The following PNPLA3 variants were observed in gnomAD, a reference collection of about 807,000 sequenced individuals.
PNPLA3 encodes the protein 1-acylglycerol-3-phosphate O-acyltransferase PNPLA3.
A neutral mutation model predicts 43.1 loss-of-function variants in PNPLA3; 42 were observed. That is an observed-to-expected ratio of 0.97 (90% CI 0.76 to 1.26). The LOEUF (loss-of-function observed/expected upper bound fraction) is 1.26, where lower values mean the gene tolerates loss of function less well. Ranked by LOEUF, PNPLA3 falls within the 50% of genes most tolerant of loss-of-function variation. The pLI is 0.00. For missense variants in PNPLA3, 647 were observed against 621.4 expected (o/e 1.04, Z -0.44); for synonymous variants, 272 against 253.6 (o/e 1.07, Z -0.69).
intron 1 of PNPLA3, 71 bp downstream of exon 1, chr22:43,924,169 C>T: frequency 2.2e-6 from 3 of 1,373,500 alleles, no homozygotes; most frequent in Non-Finnish European, 2.8e-6. Context: ...GCGGGGGATC[C>T]CCAGGGGTCG....
In PNPLA3 at chr22:43,937,051, G is replaced by A. The variant is rs755053384; in HGVS notation, c.758G>A (p.Gly253Asp). 7.4e-6 allele frequency: 12 copies of A among 1,612,752 alleles called. No individual in the cohort carries two copies. The South Asian group carries it at 7.7e-5, about 10-fold the overall frequency. Residue 253 changes from glycine to aspartate, a missense_variant and splice_region_variant, in exon 6 of 9, where the codon GGC becomes GAC. By Grantham distance (94) the Gly-to-Asp change is moderately conservative (BLOSUM62 -1). Coordinates refer to ENST00000216180, the MANE Select transcript of PNPLA3 (RefSeq NM_025225.3). The stretch of plus-strand genomic sequence containing the variant: ...GGCTTGTTTTCCGTGCCCTTCACAG[G>A]CATCTGCAACAGGCCCCAGCCAGGC... The part of the protein sequence containing the change: ...LDAFRFLEEK[G>D]ICNRPQPGLK...
rs569183553 is a variant in PNPLA3 at position 43,924,016 on chromosome 22, C to T, written c.105C>T (p.His35=). 1.1e-5 allele frequency: 17 copies of T among 1,584,030 alleles called. No homozygotes were observed. The East Asian group carries it at 2.3e-4, about 22-fold the overall frequency. ...GCTGCCTGAGCGAGCACGCCCCGCACCTCCTCCGCGACGCGCGCATGTTGT... is the reference window on the plus strand; with the variant it reads ...GCTGCCTGAGCGAGCACGCCCCGCATCTCCTCCGCGACGCGCGCATGTTGT... The part of the protein sequence containing the change: ...ATRCLSEHAP[H]LLRDARMLFG... Residue 35 remains histidine (H), a synonymous_variant, in exon 1 of 9, where the codon CAC becomes CAT. Transcript: ENST00000216180.
chr22:43,945,280 G>A (rs951903629), intron 8 of PNPLA3, among the ~76,000 whole-genome samples: 2 of 152,184 alleles, frequency 1.3e-5, no homozygotes, highest in African/African-American at 4.8e-5. Flanking sequence ...TCCACCCTCT[G>A]TTGTACTGAG....
chr22:43,942,897 A>T (rs1284624202), intron 7 of PNPLA3, among the ~76,000 whole-genome samples: 2 of 151,778 alleles, frequency 1.3e-5, no homozygotes, highest in Non-Finnish European at 1.5e-5. Flanking sequence ...GTAAGATGGG[A>T]TCTTACTATG....
At position 43,946,507 on chromosome 22, in the gene PNPLA3, A is replaced by G; in HGVS notation, c.*125A>G. The G allele has an allele frequency of 1.0e-6, 1 of 983,968 alleles. No homozygotes were observed. Among genetic ancestry groups the G allele is most frequent in the South Asian group, 1.4e-5 (1 of 70,058 alleles). The allele number at this position is 983,968 out of a possible 1,614,324, so 61.0% of individuals were successfully genotyped here. A position where few individuals can be genotyped will look rare whatever the true frequency, so the allele number is the denominator to read the frequency against. On this transcript the variant is annotated 3_prime_UTR_variant, in exon 9 of 9. Coordinates refer to ENST00000216180, the MANE Select transcript of PNPLA3 (RefSeq NM_025225.3). ...GTGACGTGGAGGATCCCAGCCTCTG[A>G]GCTGAGTTGGTTTTATGAAAAGCTA...
intron 3 of PNPLA3, among the ~76,000 whole-genome samples, chr22:43,932,298 G>T (rs962794466): frequency 6.6e-6 from 1 of 152,164 alleles, no homozygotes; most frequent in African/African-American, 2.4e-5. Flanking sequence ...ATTTTCTGAG[G>T]TCCCAGGTTC....
rs770950407 is a variant in PNPLA3, at chr22:43,944,792, C to T, written c.1214C>T (p.Ser405Phe). Residue 405 changes from serine to phenylalanine, a missense_variant, in exon 8 of 9, where the codon TCC becomes TTC. Physicochemically the swap from Ser to Phe is radical, Grantham distance 155. Transcript: ENST00000216180. ...GTGCTGATGTGTCTGCTCCCCGCCT[C>T]CAGGTAAATACTTTGGCTGTGGGTG... Reference protein sequence around the residue: ...TRVLMCLLPASRSQMPVSSQQ... With the variant: ...TRVLMCLLPAFRSQMPVSSQQ... 1 of 1,613,996 alleles carries T rather than the reference C, an allele frequency of 6.2e-7. No homozygotes were observed. Among genetic ancestry groups the T allele is most frequent in the South Asian group, 1.1e-5 (1 of 91,076 alleles).
chr22:43,934,715 C>G, intron 5 of PNPLA3, 49 bp downstream of exon 5: 2 of 1,540,570 alleles, frequency 1.3e-6, no homozygotes, highest in Non-Finnish European at 1.8e-6. Context: ...CAAGCATTTA[C>G]TAGCGGTCTT....
At chr22:43,935,028 AAG>A (rs2049986038) in intron 5 of PNPLA3, among the ~76,000 whole-genome samples, 1 of 152,092 alleles carries the variant, frequency 6.6e-6, no homozygotes, top group Non-Finnish European at 1.5e-5. Context: ...GCCGAAGTTA[AAG>A]AGTTTCTGCG....
At chr22:43,928,467 G>C (rs2049939404) in intron 2 of PNPLA3, among the ~76,000 whole-genome samples, 1 of 152,110 alleles carries the variant, frequency 6.6e-6, no homozygotes, top group Admixed American at 6.6e-5. Context: ...AGGCTCTCCG[G>C]TGATGCTAAT....
intron 7 of PNPLA3, among the ~76,000 whole-genome samples, chr22:43,943,862 C>T (rs1265374360): frequency 6.6e-6 from 1 of 152,084 alleles, no homozygotes; most frequent in Admixed American, 6.6e-5. Flanking sequence ...GATCTCAGCT[C>T]ACTGCAACCT....
At chr22:43,935,327 C>A (rs963747451) in intron 5 of PNPLA3, among the ~76,000 whole-genome samples, 2 of 152,166 alleles carry the variant, frequency 1.3e-5, no homozygotes, top group African/African-American at 2.4e-5. Context: ...AGAAAATGTT[C>A]ATTGCTGTGT....
chr22:43,926,341 G>T (rs964455486), intron 1 of PNPLA3, among the ~76,000 whole-genome samples: 1 of 152,198 alleles, frequency 6.6e-6, no homozygotes. Context: ...TGCATGCCAG[G>T]AGAGTGCAGA....
chr22:43,931,280 G>A (rs192164439), intron 3 of PNPLA3, among the ~76,000 whole-genome samples: 1 of 152,274 alleles, frequency 6.6e-6, no homozygotes, highest in Admixed American at 6.5e-5. Context: ...TTCAATGCAA[G>A]CAAATTCAAA....
chr22:43,945,324 G>A (rs539116413), intron 8 of PNPLA3, among the ~76,000 whole-genome samples: 21 of 152,236 alleles, frequency 1.4e-4, no homozygotes, highest in Admixed American at 3.3e-4. Context: ...AGCAGTCTGC[G>A]TTGACAGGCC....
chr22:43,945,659 G>A (rs2050058131), intron 8 of PNPLA3, among the ~76,000 whole-genome samples: 1 of 152,184 alleles, frequency 6.6e-6, no homozygotes, highest in African/African-American at 2.4e-5. Context: ...GCCAAGTAGA[G>A]GGTGGATCCT....
chr22:43,934,261 T>C (rs1471278694), intron 4 of PNPLA3, among the ~76,000 whole-genome samples: 2 of 148,312 alleles, frequency 1.3e-5, no homozygotes, highest in Non-Finnish European at 3.0e-5. Flanking sequence ...AGGTGGCCGT[T>C]AGCCGAGATC....
In PNPLA3 at chr22:43,924,031, G is replaced by C. The variant is rs982089475; in HGVS notation, c.120G>C (p.Ala40=). 1 of 1,581,098 alleles carries C rather than the reference G, an allele frequency of 6.3e-7. No homozygotes were observed. Among genetic ancestry groups the C allele is most frequent in the Non-Finnish European group, 8.5e-7 (1 of 1,172,576 alleles). The change falls in exon 1 of 9, where the codon GCG becomes GCC. Residue 40 remains alanine (A), a synonymous_variant. Transcript: ENST00000216180. ...SEHAPHLLRD[A]RMLFGASAGA... ...ACGCCCCGCACCTCCTCCGCGACGC[G>C]CGCATGTTGTTCGGCGCTTCGGCCG... is the stretch of plus-strand genomic sequence containing the variant.
At chr22:43,927,746 CT>C (rs113617868) in intron 2 of PNPLA3, among the ~76,000 whole-genome samples, 4 of 152,292 alleles carry the variant, frequency 2.6e-5, no homozygotes, top group African/African-American at 7.2e-5. Flanking sequence ...GGAGCTGGGA[CT>C]ACAGGCACAG....
Sources: allele counts gnomAD v4.1 joint callset (sites outside exome capture counted in the v4.1 genomes callset), GRCh38; gene constraint gnomAD v4.1.1; transcripts MANE v1.5; gene names NCBI Gene and HGNC (gene_info 2026-07-23, HGNC 2026-07-21).